Variants in CRYBG2 observed in about 807,000 individuals in gnomAD.
CRYBG2 encodes beta/gamma crystallin domain-containing protein 2.
In CRYBG2, 106 loss-of-function variants were observed where a neutral mutation model predicts 153.4. The observed-to-expected ratio is 0.69, with a 90% CI of 0.59 to 0.81. The LOEUF is 0.81. CRYBG2 is among the 30% of genes least tolerant of loss of function. The pLI is 0.00. For synonymous variants in CRYBG2, 851 were observed against 877.8 expected, an observed-to-expected ratio of 0.97 and a Z score of 0.54; for missense variants, 1,996 against 2,112.0, an observed-to-expected ratio of 0.95 and a Z score of 1.08.
At chr1:26,338,162 C>G in intron 7 of CRYBG2, 115 bp from the exon 8 acceptor site, 1 of 1,462,608 alleles carries the variant, frequency 6.8e-7, no homozygotes, top group Non-Finnish European at 9.3e-7. Flanking sequence ...CCCTTTTCCC[C>G]TACCTCTTAG....
chr1:26,345,421 C>T lies in CRYBG2; in HGVS notation c.1237G>A (p.Val413Met), dbSNP rs761635563. The T allele has an allele frequency of 1.2e-6, 2 of 1,609,424 alleles. No individual in the cohort carries two copies. Among genetic ancestry groups the T allele is most frequent in the East Asian group, 2.2e-5 (1 of 44,846 alleles). ...GCAGGAGGTTGTCCAGGGACTGTCACATGCTCGCTCCTCACCATGGGCAGG... is the reference window on the plus strand; with the variant it reads ...GCAGGAGGTTGTCCAGGGACTGTCATATGCTCGCTCCTCACCATGGGCAGG... ...TVLPMVRSEH[V>M]TVPGQPPAPS... The change falls in exon 2 of 20, where the codon GTG (valine) becomes ATG (methionine). Residue 413 changes from valine to methionine, a missense_variant. Coordinates refer to ENST00000308182, the MANE Select transcript of CRYBG2 (RefSeq NM_001039775.4).
chr1:26,328,890 A>G lies in CRYBG2; in HGVS notation c.4315-17T>C. ...TGAAAAGTGCTGGGGCCCAGGAGAC[A>G]GAAGAGGGTGAGGCTCTGAGAGCCC... On this transcript the variant is annotated splice_polypyrimidine_tract_variant and intron_variant, in intron 15 of 19. Coordinates refer to ENST00000308182, the MANE Select transcript of CRYBG2 (RefSeq NM_001039775.4). 1 of 1,613,718 alleles carries G rather than the reference A, an allele frequency of 6.2e-7. No individual in the cohort carries two copies. The highest frequency in any genetic ancestry group is 8.5e-7 in the Non-Finnish European group (1 of 1,179,894).
intron 18 of CRYBG2, among the ~76,000 whole-genome samples, chr1:26,322,553 C>T (rs1334524402): frequency 2.0e-5 from 3 of 152,226 alleles, no homozygotes; most frequent in African/African-American, 7.2e-5. Context: ...AAAATATTAA[C>T]TCCTCCAGGA....
chr1:26,349,869 C>T (rs1174458835), intron 1 of CRYBG2, among the ~76,000 whole-genome samples: 1 of 130,836 alleles, frequency 7.6e-6, no homozygotes. Flanking sequence ...GGCTGGAGTG[C>T]AGTGGCACAA....
chr1:26,352,099 A>C (rs894855438), intron 1 of CRYBG2, among the ~76,000 whole-genome samples: 2 of 151,730 alleles, frequency 1.3e-5, no homozygotes, highest in Non-Finnish European at 2.9e-5. Flanking sequence ...CAAGTCCTGG[A>C]TTCTCCCCAC....
At position 26,346,017 on chromosome 1, in the gene CRYBG2, G is replaced by A. The variant is rs1356034301; in HGVS notation, c.641C>T (p.Ser214Phe). Residue 214 changes from serine to phenylalanine, a missense_variant, in exon 2 of 20, where the codon TCC (serine) becomes TTC (phenylalanine). By Grantham distance (155) the Ser-to-Phe change is radical. Coordinates refer to ENST00000308182, the MANE Select transcript of CRYBG2 (RefSeq NM_001039775.4). The surrounding 1 kb of genome is among the most constrained non-coding windows in gnomAD (Gnocchi z 4.9). ...GEALPRGRQV[S>F]RMVPPVVVGS... ...CACCACCACTGGCGGCACCATGCGGGAGACCTGACGGCCCCGTGGCAGGGC... is the reference window on the plus strand; with the variant it reads ...CACCACCACTGGCGGCACCATGCGGAAGACCTGACGGCCCCGTGGCAGGGC... The A allele has an allele frequency of 1.9e-6, 3 of 1,593,604 alleles. No homozygotes were observed. The African/African-American group carries it at 4.0e-5, about 21-fold the overall frequency.
intron 14 of CRYBG2, among the ~76,000 whole-genome samples, chr1:26,335,470 C>G (rs2074043308): frequency 6.6e-6 from 1 of 151,566 alleles, no homozygotes; most frequent in Non-Finnish European, 1.5e-5. Context: ...GAGCAAAACT[C>G]TGTCTCAAAA....
chr1:26,327,160 C>A, intron 17 of CRYBG2: 1 of 245,498 alleles, frequency 4.1e-6, no homozygotes. Context: ...ATGATGAAAC[C>A]CCATCTCTAC....
At position 26,336,310 on chromosome 1, in the gene CRYBG2, G is replaced by C; in HGVS notation, c.4071+28C>G. On this transcript the variant is annotated intron_variant, in intron 13 of 19. Coordinates refer to ENST00000308182, the MANE Select transcript of CRYBG2 (RefSeq NM_001039775.4). This position sits in a 1 kb window ranked among gnomAD's most constrained non-coding sequence, Gnocchi z 4.9. ...AAATGAGGGGAGAGACGTGAGCCCA[G>C]CGGCTCCCTGCGGAGTCCCTGCCTT... 6.2e-7 allele frequency: 1 copy of C among 1,612,774 alleles called. No homozygotes were observed. Among genetic ancestry groups the C allele is most frequent in the Non-Finnish European group, 8.5e-7 (1 of 1,179,354 alleles).
rs2074062757 is a variant in CRYBG2, at chr1:26,336,737, A to G, written c.3912-5T>C. ...ACCTCCTGGTAGGCCACCCACCTGC[A>G]GGAAGGGCGGGGCGCGAGTCAGCTG... On this transcript the variant is annotated splice_polypyrimidine_tract_variant and splice_region_variant and intron_variant, in intron 11 of 19. Transcript: ENST00000308182. This position sits in a 1 kb window ranked among gnomAD's most constrained non-coding sequence, Gnocchi z 4.9. 1 of 1,583,866 alleles carries G rather than the reference A, an allele frequency of 6.3e-7. No homozygotes were observed.
At chr1:26,332,238 C>T (rs941419666) in intron 14 of CRYBG2, among the ~76,000 whole-genome samples, 4 of 142,888 alleles carry the variant, frequency 2.8e-5, no homozygotes, top group Non-Finnish European at 4.5e-5. Context: ...ACCCAGGAGG[C>T]GGAGCTTACA....
At position 26,344,326 on chromosome 1, in the gene CRYBG2, CAG is replaced by C. The variant is rs2074174321; in HGVS notation, c.2330_2331del (p.Pro777ArgfsTer27). Reference sequence around the variant, plus strand: ...GGCAGCCGGTGAGTGCGGAGGATCTCAGGGGGCTCCATGCTCCGCAGCGTATC... The same window carrying C: ...GGCAGCCGGTGAGTGCGGAGGATCTCGGGGCTCCATGCTCCGCAGCGTATC... ...FLDTLRSMEP[P>X]EILRTHRLPR... On this transcript the variant is annotated frameshift_variant, in exon 2 of 20. Coordinates refer to ENST00000308182, the MANE Select transcript of CRYBG2 (RefSeq NM_001039775.4). LOFTEE classifies it high-confidence loss of function. The C allele has an allele frequency of 6.7e-7, 1 of 1,503,546 alleles. No homozygotes were observed. The highest frequency in any genetic ancestry group is 8.9e-7 in the Non-Finnish European group (1 of 1,124,556). The allele number at this position is 1,503,546 out of a possible 1,614,324, so 93.1% of individuals were successfully genotyped here. A position where few individuals can be genotyped will look rare whatever the true frequency, so the allele number is the denominator to read the frequency against.
In CRYBG2 at chr1:26,330,538, C is replaced by CTTT. The variant is rs35886545; in HGVS notation, c.4314+948_4314+950dup. Among the ~76,000 whole-genome samples the CTTT allele has an allele frequency of 3.7e-3, 441 of 118,100 alleles. 20 individuals carry two copies. The highest frequency in any genetic ancestry group is 0.011 in the African/African-American group (331 of 29,868). 77.5% of individuals were successfully genotyped at this position (118,100 alleles called of 152,430 possible). On this transcript the variant is annotated intron_variant, in intron 15 of 19. Coordinates refer to ENST00000308182, the MANE Select transcript of CRYBG2 (RefSeq NM_001039775.4). The stretch of plus-strand genomic sequence containing the variant: ...AAAGGCTTTAGTATATGTGGCAAGC[C>CTTT]TTTTTTTTTTTTTTTTTTGAGATGG...
At position 26,337,908 on chromosome 1, in the gene CRYBG2, C is replaced by T. The variant is rs890723556; in HGVS notation, c.3507+104G>A. The T allele has an allele frequency of 4.8e-6, 7 of 1,455,088 alleles. No homozygotes were observed. In the South Asian group the frequency reaches 7.7e-5, roughly 16 times the overall value. The allele number at this position is 1,455,088 out of a possible 1,614,324, so 90.1% of individuals were successfully genotyped here. On this transcript the variant is annotated intron_variant, in intron 8 of 19. Transcript: ENST00000308182. ...CCATCCCCCCAGACCGTGCTTCTGG[C>T]CCCCAGTGCCCTCCTCTCTGGATTT...
rs995916692 is a variant in CRYBG2, at chr1:26,327,107, G to A, written c.4578+1102C>T. ...CCAACACTTTGGGAGGCCAAGGTGG[G>A]CAGATCACATGAGGTCAGGAGTTCA... On this transcript the variant is annotated intron_variant, in intron 17 of 19. Transcript: ENST00000308182. 30 of 351,434 alleles carry A rather than the reference G, an allele frequency of 8.5e-5. 2 individuals are homozygous for A. Among genetic ancestry groups the A allele is most frequent in the South Asian group, 6.2e-4 (28 of 45,528 alleles). 21.8% of individuals were successfully genotyped at this position (351,434 alleles called of 1,614,324 possible).
intron 1 of CRYBG2, among the ~76,000 whole-genome samples, chr1:26,350,532 A>G (rs970864255): frequency 2.0e-5 from 3 of 152,234 alleles, no homozygotes; most frequent in African/African-American, 7.2e-5. Context: ...TTAAATGCTC[A>G]GAGAGGTTAA....
At chr1:26,322,356 C>G in intron 18 of CRYBG2, 33 bp from the exon 19 acceptor site, 11 of 1,595,814 alleles carry the variant, frequency 6.9e-6, no homozygotes, top group Non-Finnish European at 9.4e-6. Flanking sequence ...GGCATTGTTC[C>G]TCCCCACAGG....
rs1390216835 is a variant in CRYBG2, at chr1:26,346,318, G to T, written c.340C>A (p.Leu114Met). ...PPKEKRPEGR[L>M]KEAVDQSDGS... ...TCACTCTGGTCCACAGCCTCCTTCA[G>T]CCTCCCCTCAGGCCTTTTCTCCTTG... Residue 114 changes from leucine to methionine, a missense_variant, in exon 2 of 20, where the codon CTG (leucine) becomes ATG (methionine). By Grantham distance (15) the Leu-to-Met change is conservative (BLOSUM62 2). Transcript: ENST00000308182. The surrounding 1 kb of genome is among the most constrained non-coding windows in gnomAD (Gnocchi z 4.9). 6.3e-7 allele frequency: 1 copy of T among 1,599,202 alleles called. No individual in the cohort carries two copies. The highest frequency in any genetic ancestry group is 1.3e-5 in the African/African-American group (1 of 74,896).
intron 17 of CRYBG2, chr1:26,326,634 A>G (rs2073930414): frequency 1.4e-5 from 3 of 211,074 alleles, no homozygotes; most frequent in Non-Finnish European, 1.0e-5. Context: ...GTTAAAAAAA[A>G]TGTGATTTTT....
Sources: gnomAD v4.1 joint callset for allele counts (sites outside exome capture counted in the v4.1 genomes callset) on GRCh38, gnomAD v4.1.1 for gene constraint, Gnocchi (gnomAD v3.1) non-coding constraint, MANE v1.5 for transcripts, NCBI Gene and HGNC (gene_info 2026-07-23, HGNC 2026-07-21) for gene names.